SLC22A15: variants seen among roughly 807,000 people sequenced by gnomAD.
The protein encoded by SLC22A15 is flipt 1.
In SLC22A15, 45 loss-of-function variants were observed where a neutral mutation model predicts 62.7. The observed-to-expected ratio is 0.72, with a 90% CI of 0.56 to 0.92. SLC22A15 has a LOEUF of 0.92. Ranked by LOEUF, SLC22A15 falls within the 40% of genes least tolerant of loss-of-function variation. The pLI is 0.00. For synonymous variants in SLC22A15, 264 were observed against 267.0 expected, an observed-to-expected ratio of 0.99 and a Z score of 0.11; for missense variants, 622 against 665.6, an observed-to-expected ratio of 0.93 and a Z score of 0.72.
At chr1:116,044,913 T>C (rs1407933291) in intron 8 of SLC22A15, among the ~76,000 whole-genome samples, 1 of 152,138 alleles carries the variant, frequency 6.6e-6, no homozygotes, top group African/African-American at 2.4e-5. Flanking sequence ...AATAAATAGA[T>C]TACCATGCTT....
intron 1 of SLC22A15, 126 bp downstream of exon 1, chr1:115,976,840 C>T: frequency 2.8e-6 from 2 of 709,918 alleles, no homozygotes; most frequent in Non-Finnish European, 4.4e-6. Flanking sequence ...CGAGGTGTGG[C>T]GAGCGTCGGG....
rs1657592671 is a variant in SLC22A15, at chr1:116,035,270, C to T, written c.1028C>T (p.Ser343Phe). 2.5e-6 allele frequency: 4 copies of T among 1,613,446 alleles called. No individual in the cohort carries two copies. The East Asian group carries it at 8.9e-5, about 36-fold the overall frequency. Residue 343 changes from serine to phenylalanine, a missense_variant, in exon 7 of 12, where the codon TCT becomes TTT. Ser to Phe is a radical substitution (Grantham distance 155). Transcript: ENST00000369503. ...GGSIYANLAL[S>F]GLIEIPSYPL... ...AGTATTTATGCCAACCTGGCCCTGT[C>T]TGGCCTCATAGAGATTCCATCTTAC...
At chr1:116,054,861 A>G (rs1658158679) in intron 8 of SLC22A15, among the ~76,000 whole-genome samples, 1 of 152,070 alleles carries the variant, frequency 6.6e-6, no homozygotes, top group Admixed American at 6.5e-5. Flanking sequence ...ACCAACGAGA[A>G]CAAAGACACA....
chr1:116,027,104 AT>A, intron 5 of SLC22A15, 82 bp downstream of exon 5: 2 of 1,373,314 alleles, frequency 1.5e-6, no homozygotes, highest in Non-Finnish European at 2.0e-6. Flanking sequence ...GAGCAGCATT[AT>A]TCCCTTTCAG....
chr1:116,043,580 T>C (rs1657849958), intron 8 of SLC22A15, among the ~76,000 whole-genome samples: 1 of 151,838 alleles, frequency 6.6e-6, no homozygotes. Flanking sequence ...ATAACAAATT[T>C]TAAAAAAGAA....
At chr1:115,995,157 A>G (rs1358299116) in intron 2 of SLC22A15, among the ~76,000 whole-genome samples, 1 of 152,176 alleles carries the variant, frequency 6.6e-6, no homozygotes, top group Non-Finnish European at 1.5e-5. Context: ...ATATCAAAAG[A>G]CACACTATAT....
chr1:115,994,187 C>T (rs1400138293), intron 2 of SLC22A15, among the ~76,000 whole-genome samples: 1 of 147,068 alleles, frequency 6.8e-6, no homozygotes, highest in African/African-American at 2.7e-5. Context: ...CCCACCACCA[C>T]CACCACCACC....
At chr1:116,066,764 A>G (rs1402953330) in intron 11 of SLC22A15, 56 bp downstream of exon 11, 5 of 1,495,162 alleles carry the variant, frequency 3.3e-6, no homozygotes, top group Non-Finnish European at 4.5e-6. Flanking sequence ...TAATGAAAAA[A>G]AGAAGGTTTG....
intron 1 of SLC22A15, among the ~76,000 whole-genome samples, chr1:115,977,574 G>A (rs1296924240): frequency 6.6e-6 from 1 of 152,224 alleles, no homozygotes; most frequent in Non-Finnish European, 1.5e-5. Flanking sequence ...TTTGCTGTGA[G>A]CCAGCCATTT....
chr1:116,060,956 A>G (rs1270738768), intron 8 of SLC22A15, among the ~76,000 whole-genome samples: 1 of 152,174 alleles, frequency 6.6e-6, no homozygotes, highest in African/African-American at 2.4e-5. Flanking sequence ...AAGAAGATTT[A>G]TTTTATAGTT....
intron 9 of SLC22A15, 100 bp from the exon 10 acceptor site, chr1:116,064,336 C>G: frequency 1.3e-6 from 1 of 777,408 alleles, no homozygotes; most frequent in East Asian, 2.6e-5. Context: ...TCCTGTGCTT[C>G]CACTTCAGGA....
intron 8 of SLC22A15, among the ~76,000 whole-genome samples, chr1:116,040,699 C>T (rs1428480409): frequency 6.6e-6 from 1 of 152,178 alleles, no homozygotes; most frequent in Non-Finnish European, 1.5e-5. Flanking sequence ...TCACTGCAGC[C>T]TTGACCTCTT....
intron 2 of SLC22A15, among the ~76,000 whole-genome samples, chr1:116,000,209 C>T (rs943444577): frequency 4.0e-5 from 6 of 151,686 alleles, no homozygotes; most frequent in Non-Finnish European, 8.8e-5. Flanking sequence ...AAATGATTTT[C>T]TCTGGTGGTA....
At chr1:116,034,675 A>T (rs538130726) in intron 6 of SLC22A15, among the ~76,000 whole-genome samples, 3 of 152,240 alleles carry the variant, frequency 2.0e-5, no homozygotes, top group Admixed American at 1.3e-4. Context: ...ATCATTGGGG[A>T]TTGGAGTGCC....
At chr1:116,042,673 T>C (rs1457703137) in intron 8 of SLC22A15, among the ~76,000 whole-genome samples, 1 of 152,234 alleles carries the variant, frequency 6.6e-6, no homozygotes, top group African/African-American at 2.4e-5. Context: ...TGTTTGTGTA[T>C]ACTTGTAATA....
At chr1:116,020,910 G>A (rs773616969) in intron 4 of SLC22A15, 25 bp downstream of exon 4, 1 of 1,577,310 alleles carries the variant, frequency 6.3e-7, no homozygotes, top group South Asian at 1.2e-5. Context: ...ATGCAGCTCT[G>A]GACTGGGTGA....
At chr1:116,035,391 T>C in intron 7 of SLC22A15, 64 bp downstream of exon 7, 2 of 1,374,806 alleles carry the variant, frequency 1.5e-6, no homozygotes, top group Admixed American at 4.2e-5. Context: ...ATATGCCCTC[T>C]GATACACATG....
intron 8 of SLC22A15, among the ~76,000 whole-genome samples, chr1:116,048,258 A>T (rs755783433): frequency 5.3e-5 from 8 of 152,106 alleles, no homozygotes; most frequent in Non-Finnish European, 7.3e-5. Flanking sequence ...TCACAAAAAG[A>T]TCATCACCTA....
chr1:116,016,034 G>C (rs2995522), intron 2 of SLC22A15, among the ~76,000 whole-genome samples: 142,013 of 152,222 alleles, frequency 0.93, 66,314 homozygotes, highest in Middle Eastern at 0.99. Flanking sequence ...TCAAATGCTG[G>C]AGCTCTTTTA....
Sources: gnomAD v4.1 joint callset for allele counts (sites outside exome capture counted in the v4.1 genomes callset) on GRCh38, gnomAD v4.1.1 for gene constraint, MANE v1.5 for transcripts, NCBI Gene and HGNC (gene_info 2026-07-23, HGNC 2026-07-21) for gene names.